The following VPS35L variants were observed in gnomAD, a reference collection of about 807,000 sequenced individuals.
The protein encoded by VPS35L is VPS35 endosomal protein-sorting factor-like.
A neutral mutation model predicts 133.0 loss-of-function variants in VPS35L; 83 were observed. That is an observed-to-expected ratio of 0.62 (90% CI 0.52 to 0.75). The LOEUF is 0.75. Ranked by LOEUF, VPS35L falls within the 30% of genes least tolerant of loss-of-function variation. The pLI, the probability that VPS35L is intolerant of heterozygous loss-of-function variation, is 0.00. For synonymous variants in VPS35L, 423 were observed against 449.9 expected (o/e 0.94, Z 0.76); for missense variants, 1,083 against 1,206.8 (o/e 0.90, Z 1.52).
At chr16:19,682,717 C>T (rs1975331164) in intron 28 of VPS35L, among the ~76,000 whole-genome samples, 1 of 152,152 alleles carries the variant, frequency 6.6e-6, no homozygotes, top group African/African-American at 2.4e-5. Flanking sequence ...CAAAAATTAG[C>T]CAGGCCTGAT....
At chr16:19,598,620 C>T (rs1201160836) in intron 8 of VPS35L, among the ~76,000 whole-genome samples, 12 of 151,906 alleles carry the variant, frequency 7.9e-5, no homozygotes, top group Admixed American at 4.6e-4. Flanking sequence ...CTCGTCTCTA[C>T]GAAAAATTTA....
intron 28 of VPS35L, 53 bp from the exon 29 acceptor site, chr16:19,691,300 C>T: frequency 6.8e-7 from 1 of 1,464,336 alleles, no homozygotes; most frequent in Non-Finnish European, 9.6e-7. Flanking sequence ...CTCTCCCTGG[C>T]CAGCATGGCC....
intron 28 of VPS35L, among the ~76,000 whole-genome samples, chr16:19,688,512 G>T (rs181053231): frequency 1.3e-5 from 2 of 152,286 alleles, no homozygotes; most frequent in Admixed American, 1.3e-4. Flanking sequence ...CACAGGCATG[G>T]CTCTTGGTTT....
intron 12 of VPS35L, among the ~76,000 whole-genome samples, chr16:19,612,981 G>A (rs1597359935): frequency 6.6e-6 from 1 of 152,128 alleles, no homozygotes; most frequent in African/African-American, 2.4e-5. Context: ...TGGTTGGGTA[G>A]TTTCTAAAAG....
At chr16:19,559,389 T>C (rs1429448132) in intron 1 of VPS35L, among the ~76,000 whole-genome samples, 2 of 152,140 alleles carry the variant, frequency 1.3e-5, no homozygotes, top group Non-Finnish European at 2.9e-5. Context: ...AATGGTGGCC[T>C]TTTTTCCTGT....
intron 7 of VPS35L, chr16:19,587,348 G>A (rs905200794): frequency 5.5e-5 from 25 of 453,566 alleles, no homozygotes; most frequent in Non-Finnish European, 1.0e-4. Flanking sequence ...AATTGACCAA[G>A]GCTGGGCGTG....
intron 27 of VPS35L, among the ~76,000 whole-genome samples, chr16:19,677,009 C>T (rs1404861222): frequency 4.0e-5 from 6 of 151,694 alleles, no homozygotes; most frequent in Admixed American, 2.6e-4. Context: ...GCCAGGAGTT[C>T]GAGACCAGCC....
intron 11 of VPS35L, among the ~76,000 whole-genome samples, chr16:19,610,108 TGAAA>T (rs776293990): frequency 8.5e-5 from 13 of 152,158 alleles, no homozygotes; most frequent in Non-Finnish European, 1.6e-4. Context: ...ATGATAACGA[TGAAA>T]GAAATCATTC....
rs1440644280 is a variant in VPS35L, at chr16:19,573,121, C to G, written c.288C>G (p.Asp96Glu). 1.3e-5 allele frequency: 21 copies of G among 1,613,080 alleles called. 1 individual carries two copies. The South Asian group carries it at 2.3e-4, about 18-fold the overall frequency. ...GAGATTATCTTGCCTTTCTTTAGGA[C>G]AGCTCCAGAAGGAAACGTGATAGAG... ...ADPAALAAAM[D>E]SSRRKRDRDD... Residue 96 changes from aspartate to glutamate, a missense_variant and splice_region_variant, in exon 4 of 31, where the codon GAC (aspartate) becomes GAG (glutamate). Physicochemically the swap from Asp to Glu is conservative, Grantham distance 45. Transcript: ENST00000417362.
In VPS35L at chr16:19,594,669, A is replaced by G. The variant is rs1288850273; in HGVS notation, c.724+2795A>G. Among the ~76,000 whole-genome samples, 9 of 109,684 alleles carry G rather than the reference A, an allele frequency of 8.2e-5. 1 individual carries two copies. Among genetic ancestry groups the G allele is most frequent in the East Asian group, 2.7e-4 (1 of 3,670 alleles). The allele number at this position is 109,684 out of a possible 152,430, so 72.0% of individuals were successfully genotyped here. The stretch of plus-strand genomic sequence containing the variant: ...CAAAAAAAAAAAAAAAAAAAAAAAA[A>G]AAGAAGAGAAAAAAAATCCTCGCCT... On this transcript the variant is annotated intron_variant, in intron 8 of 30. Transcript: ENST00000417362.
intron 12 of VPS35L, among the ~76,000 whole-genome samples, chr16:19,614,820 C>T (rs911207264): frequency 6.6e-6 from 1 of 152,224 alleles, no homozygotes; most frequent in Non-Finnish European, 1.5e-5. Context: ...AACTCCCCTC[C>T]GTAGCTCATC....
chr16:19,590,139 G>C (rs1859052), intron 7 of VPS35L, among the ~76,000 whole-genome samples: 6,325 of 63,366 alleles, frequency 0.1, 188 homozygotes, highest in Non-Finnish European at 0.13. Flanking sequence ...TTCCCGCCCC[G>C]CCCCCCCCCC....
chr16:19,669,336 C>G (rs764993341), intron 27 of VPS35L, 37 bp downstream of exon 27: 1 of 1,577,178 alleles, frequency 6.3e-7, no homozygotes, highest in African/African-American at 1.4e-5. Context: ...ACATGTCTTC[C>G]TTTCACCTGC....
At position 19,691,409 on chromosome 16, in the gene VPS35L, A is replaced by C. The variant is rs1187439430; in HGVS notation, c.2584A>C (p.Lys862Gln). The change falls in exon 29 of 31, where the codon AAG (lysine) becomes CAG (glutamine). Residue 862 changes from lysine (K) to glutamine (Q), a missense_variant. Coordinates refer to ENST00000417362, the MANE Select transcript of VPS35L (RefSeq NM_020314.7). ...GDSKFLAENN[K>Q]LCETVMAQIL... ...CTCCAAGTTCCTGGCAGAAAACAACAAGCTGTGTGAGACGGTGATGGCTCA... is the reference window on the plus strand; with the variant it reads ...CTCCAAGTTCCTGGCAGAAAACAACCAGCTGTGTGAGACGGTGATGGCTCA... 5 of 1,614,040 alleles carry C rather than the reference A, an allele frequency of 3.1e-6. No homozygotes were observed. In the Admixed American group the frequency reaches 5.0e-5, roughly 16 times the overall value.
intron 26 of VPS35L, among the ~76,000 whole-genome samples, chr16:19,663,226 A>G (rs1167995574): frequency 6.6e-6 from 1 of 152,006 alleles, no homozygotes; most frequent in Non-Finnish European, 1.5e-5. Flanking sequence ...CAGGAGAATC[A>G]CTTGAACCCA....
chr16:19,642,592 G>A (rs1434006845), intron 22 of VPS35L, 116 bp downstream of exon 22: 10 of 848,780 alleles, frequency 1.2e-5, no homozygotes, highest in Non-Finnish European at 1.7e-5. Flanking sequence ...TTTATTGGGA[G>A]TATTAAGATT....
chr16:19,625,954 G>A (rs1357784499), intron 14 of VPS35L, among the ~76,000 whole-genome samples: 2 of 152,048 alleles, frequency 1.3e-5, no homozygotes, highest in East Asian at 1.9e-4. Flanking sequence ...AATTATAGGT[G>A]CGAGCCACTG....
chr16:19,585,406 C>CTTTTTT (rs201727936), intron 7 of VPS35L, among the ~76,000 whole-genome samples: 8 of 138,118 alleles, frequency 5.8e-5, no homozygotes, highest in African/African-American at 1.1e-4. Flanking sequence ...TTTCTTTTTT[C>CTTTTTT]TTTTTTTTTT....
At chr16:19,590,406 A>T (rs543403869) in intron 7 of VPS35L, among the ~76,000 whole-genome samples, 2 of 152,268 alleles carry the variant, frequency 1.3e-5, no homozygotes, top group East Asian at 3.9e-4. Context: ...TTTTTAAATG[A>T]CATTTTTCTT....
Sources: allele counts gnomAD v4.1 joint callset (sites outside exome capture counted in the v4.1 genomes callset), GRCh38; gene constraint gnomAD v4.1.1; transcripts MANE v1.5; gene names NCBI Gene and HGNC (gene_info 2026-07-23, HGNC 2026-07-21).